The following ZFP90 variants were observed in gnomAD, a reference collection of about 807,000 sequenced individuals.
ZFP90 encodes the protein ZFP90 zinc finger protein.
A neutral mutation model predicts 60.8 loss-of-function variants in ZFP90; 38 were observed. That is an observed-to-expected ratio of 0.62 (90% CI 0.48 to 0.82). The LOEUF is 0.82. Among genes scored for constraint, ZFP90 ranks in the 40% least tolerant of loss-of-function variants. ZFP90 has a pLI of 0.00. For missense variants in ZFP90, 711 were observed against 759.1 expected, an observed-to-expected ratio of 0.94 and a Z score of 0.74; for synonymous variants, 287 against 264.8, an observed-to-expected ratio of 1.08 and a Z score of -0.82.
At chr16:68,538,493 C>A (rs531832196), upstream of ZFP90, among the ~76,000 whole-genome samples, 1 of 151,852 alleles carries the variant, frequency 6.6e-6, no homozygotes, top group Non-Finnish European at 1.5e-5. Context: ...GAGGCCGAGG[C>A]GAGTTCGAGA....
intron 1 of ZFP90, 99 bp from the exon 2 acceptor site, chr16:68,539,659 T>C (rs200513873): frequency 2.0e-5 from 18 of 887,506 alleles, no homozygotes; most frequent in Non-Finnish European, 2.6e-5. Flanking sequence ...CGCCACCATC[T>C]CCCCTGGAGA....
intron 2 of ZFP90, among the ~76,000 whole-genome samples, chr16:68,550,232 T>G (rs868647739): frequency 6.6e-6 from 1 of 152,178 alleles, no homozygotes; most frequent in Admixed American, 6.5e-5. Flanking sequence ...TCCTTGATAG[T>G]AAATCTTTGA....
chr16:68,563,577 C>T lies in ZFP90; in HGVS notation c.790C>T (p.Leu264Phe), dbSNP rs1009845544. 2 of 1,614,214 alleles carry T rather than the reference C, an allele frequency of 1.2e-6. No homozygotes were observed. Among genetic ancestry groups the T allele is most frequent in the Non-Finnish European group, 1.7e-6 (2 of 1,180,018 alleles). Residue 264 changes from leucine (L) to phenylalanine (F), a missense_variant, in exon 5 of 5, where the codon CTC becomes TTC. Physicochemically the swap from Leu to Phe is conservative, Grantham distance 22. This residue lies in a region of ZFP90 where 146 missense variants were observed against 201.4 expected (regional missense o/e 0.73). Transcript: ENST00000563169. ...HECTDCGKTF[L>F]WKTQLTEHQR... ...ATGTACCGACTGTGGGAAAACCTTT[C>T]TCTGGAAGACACAGCTTACTGAGCA...
At chr16:68,551,169 A>G (rs1300913071) in intron 2 of ZFP90, among the ~76,000 whole-genome samples, 3 of 152,106 alleles carry the variant, frequency 2.0e-5, no homozygotes, top group African/African-American at 4.8e-5. Context: ...CTTTCACCCC[A>G]TCTGCTCATA....
chr16:68,569,223 G>A (rs1488079483), downstream of ZFP90, among the ~76,000 whole-genome samples: 3 of 136,754 alleles, frequency 2.2e-5, no homozygotes, highest in Admixed American at 8.4e-5. Context: ...TGCAACTTCC[G>A]CCTACCAGGT....
downstream of ZFP90, among the ~76,000 whole-genome samples, chr16:68,570,283 A>G (rs1269673966): frequency 6.6e-6 from 1 of 152,142 alleles, no homozygotes; most frequent in Non-Finnish European, 1.5e-5. Context: ...CTATTGATGC[A>G]GGCAGATGAG....
downstream of ZFP90, among the ~76,000 whole-genome samples, chr16:68,571,659 C>T (rs750623869): frequency 3.5e-4 from 53 of 152,198 alleles, no homozygotes; most frequent in Non-Finnish European, 6.6e-4. Context: ...CCCAGCACGG[C>T]GGCTCACACC....
chr16:68,558,593 A>G (rs1185297900), intron 4 of ZFP90, 25 bp downstream of exon 4: 6 of 1,595,034 alleles, frequency 3.8e-6, no homozygotes, highest in Non-Finnish European at 5.2e-6. Context: ...GTCAGGCATT[A>G]GGAATGAATG....
At chr16:68,541,732 C>T (rs1311461325) in intron 2 of ZFP90, among the ~76,000 whole-genome samples, 7 of 152,264 alleles carry the variant, frequency 4.6e-5, no homozygotes, top group Admixed American at 3.3e-4. Flanking sequence ...ACATCATGAT[C>T]GTTATCCCCT....
intron 2 of ZFP90, among the ~76,000 whole-genome samples, chr16:68,541,650 A>T (rs958111392): frequency 2.0e-4 from 30 of 152,074 alleles, no homozygotes; most frequent in African/African-American, 7.0e-4. Flanking sequence ...TTTTACAGGG[A>T]TGAGCCTTAA....
rs1555496914 is a variant in ZFP90, at chr16:68,534,229, C to CTTTT, written c.-36+377_-36+378insTTTT. Among the ~76,000 whole-genome samples, 594 of 135,092 alleles carry CTTTT rather than the reference C, an allele frequency of 4.4e-3. 105 individuals are homozygous for CTTTT. Among genetic ancestry groups the CTTTT allele is most frequent in the African/African-American group, 7.1e-3 (253 of 35,676 alleles). The allele number at this position is 135,092 out of a possible 152,430, so 88.6% of individuals were successfully genotyped here. ...CATTTTTAACTTAAAGATTTTCTTT[C>CTTTT]TTTCTTTTTTTTTTTTTGAGACAGC... On this transcript the variant is annotated intron_variant, in intron 2 of 3. Coordinates refer to the ZFP90 transcript ENST00000569109.
At chr16:68,539,073 A>T (rs1406253527), upstream of ZFP90, 1 of 152,238 alleles carries the variant, frequency 6.6e-6, no homozygotes, top group Non-Finnish European at 1.5e-5. Flanking sequence ...CCAGCTAGCA[A>T]CAAGCCCCTT....
At chr16:68,570,960 G>A (rs148999641), downstream of ZFP90, among the ~76,000 whole-genome samples, 689 of 152,322 alleles carry the variant, frequency 4.5e-3, 8 homozygotes, top group Middle Eastern at 0.014. Flanking sequence ...AAGGAGCTGG[G>A]AAGCCAAAGA....
At position 68,563,546 on chromosome 16, in the gene ZFP90, C is replaced by A. The variant is rs758692676; in HGVS notation, c.759C>A (p.His253Gln). The A allele has an allele frequency of 2.0e-5, 32 of 1,614,080 alleles. No homozygotes were observed. Among genetic ancestry groups the A allele is most frequent in the Admixed American group, 5.0e-5 (3 of 59,988 alleles). The change falls in exon 5 of 5, where the codon CAC (histidine) becomes CAA (glutamine). Residue 253 changes from histidine to glutamine, a missense_variant. Physicochemically the swap from His to Gln is conservative, Grantham distance 24. Around this residue, in one of 5 missense-constraint regions of ZFP90, gnomAD observed 146 missense variants for 201.4 expected, o/e 0.73. Coordinates refer to ENST00000563169, the MANE Select transcript of ZFP90 (RefSeq NM_001305203.2). ...AAGGAATTTATCCTGGAAAGAAACA[C>A]CATGAATGTACCGACTGTGGGAAAA... Reference protein sequence around the residue: ...TDQGIYPGKKHHECTDCGKTF... With the variant: ...TDQGIYPGKKQHECTDCGKTF...
At chr16:68,570,386 G>A (rs1244735139), downstream of ZFP90, among the ~76,000 whole-genome samples, 2 of 152,244 alleles carry the variant, frequency 1.3e-5, no homozygotes, top group Admixed American at 6.5e-5. Context: ...CTCCTGTGAA[G>A]CACATCCAAC....
rs899739025 is a variant in ZFP90 at position 68,566,423 on chromosome 16, G to A, written c.*1725G>A. The stretch of plus-strand genomic sequence containing the variant: ...GTGAACCTTTCCTACTGGATTCTTT[G>A]CATGCCACATAGCAGGATTCATTGC... On this transcript the variant is annotated 3_prime_UTR_variant, in exon 5 of 5. Coordinates refer to ENST00000563169, the MANE Select transcript of ZFP90 (RefSeq NM_001305203.2). 1.0e-6 allele frequency: 1 copy of A among 985,388 alleles called. No homozygotes were observed. The highest frequency in any genetic ancestry group is 1.2e-6 in the Non-Finnish European group (1 of 829,914). The allele number at this position is 985,388 out of a possible 1,614,324, so 61.0% of individuals were successfully genotyped here. A position where few individuals can be genotyped will look rare whatever the true frequency, so the allele number is the denominator to read the frequency against.
Position 68,539,642 on chromosome 16 carries a change from C to A in ZFP90, c.-35-116C>A, listed in dbSNP as rs367991552. ...GAGCGGCAGGCCCGGGCTGGTTCCA[C>A]GGTCCTCGCCACCATCTCCCCTGGA... On this transcript the variant is annotated intron_variant, in intron 1 of 4. Coordinates refer to ENST00000563169, the MANE Select transcript of ZFP90 (RefSeq NM_001305203.2). 3.8e-4 allele frequency: 310 copies of A among 811,280 alleles called. 1 individual carries two copies. In the East Asian group the frequency reaches 7.6e-3, roughly 20 times the overall value. The allele number at this position is 811,280 out of a possible 1,614,324, so 50.3% of individuals were successfully genotyped here.
chr16:68,545,843 C>A (rs7196104), intron 2 of ZFP90, among the ~76,000 whole-genome samples: 116,407 of 151,994 alleles, frequency 0.77, 44,662 homozygotes, highest in East Asian at 0.82. Context: ...AAATAAGATT[C>A]TTTTCCTTAC....
At chr16:68,546,871 G>A (rs548873387) in intron 2 of ZFP90, among the ~76,000 whole-genome samples, 5 of 152,182 alleles carry the variant, frequency 3.3e-5, no homozygotes, top group Non-Finnish European at 7.3e-5. Context: ...ATGTCTTCAA[G>A]ATTCATCTAA....
Sources: gnomAD v4.1 joint callset for allele counts (sites outside exome capture counted in the v4.1 genomes callset) on GRCh38, gnomAD v4.1.1 for gene constraint, gnomAD v4.1.1 regional missense constraint, MANE v1.5 for transcripts, NCBI Gene and HGNC (gene_info 2026-07-23, HGNC 2026-07-21) for gene names.